KISS1: variants seen among roughly 807,000 people sequenced by gnomAD.
KISS1 encodes metastasis-suppressor KiSS-1.
For missense variants in KISS1, 182 were observed against 182.7 expected (o/e 1.00, Z 0.02); for synonymous variants, 97 against 88.7 (o/e 1.09, Z -0.52).
intron 1 of KISS1, among the ~76,000 whole-genome samples, chr1:204,195,659 C>T (rs1276056152): frequency 1.3e-5 from 2 of 151,088 alleles, no homozygotes; most frequent in Non-Finnish European, 3.0e-5. Context: ...ACCACATACA[C>T]CACACATGCG....
At chr1:204,193,531 T>C (rs778434818) in intron 1 of KISS1, among the ~76,000 whole-genome samples, 5 of 152,162 alleles carry the variant, frequency 3.3e-5, no homozygotes, top group Non-Finnish European at 7.3e-5. Flanking sequence ...TTTTCTTTTA[T>C]AAGGAAAAAG....
chr1:204,190,574 C>G lies in KISS1; in HGVS notation c.327G>C (p.Leu109=). The G allele has an allele frequency of 6.2e-7, 1 of 1,604,936 alleles. No individual in the cohort carries two copies. The highest frequency in any genetic ancestry group is 2.2e-5 in the East Asian group (1 of 44,452). ...GAVLVQREKD[L]PNYNWNSFGL... ...CGAAGGAGTTCCAGTTGTAGTTCGG[C>G]AGGTCCTTCTCCCGCTGCACCAGCA... Residue 109 remains leucine (L), a synonymous_variant, in exon 3 of 3, where the codon CTG becomes CTC. Transcript: ENST00000367194.
chr1:204,193,049 G>T, intron 1 of KISS1, 135 bp from the exon 2 acceptor site: 1 of 673,258 alleles, frequency 1.5e-6, no homozygotes, highest in Non-Finnish European at 2.7e-6. Flanking sequence ...CCTGGTAGAG[G>T]GATGAGTCTA....
rs969189704 is a variant in KISS1 at position 204,192,888 on chromosome 1, G to A, written c.-12C>T. 4.5e-6 allele frequency: 7 copies of A among 1,556,780 alleles called. No individual in the cohort carries two copies. Among genetic ancestry groups the A allele is most frequent in the Non-Finnish European group, 6.1e-6 (7 of 1,141,044 alleles). On this transcript the variant is annotated 5_prime_UTR_variant, in exon 2 of 3. Coordinates refer to ENST00000367194, the MANE Select transcript of KISS1 (RefSeq NM_002256.4). The surrounding 1 kb of genome is among the most constrained non-coding windows in gnomAD (Gnocchi z 4.2). Reference sequence around the variant, plus strand: ...ACCAGTGAGTTCATCTTGGTGAGAAGAGGCAGGTCCTAGAAGTGCCTTGAG... The same window carrying A: ...ACCAGTGAGTTCATCTTGGTGAGAAAAGGCAGGTCCTAGAAGTGCCTTGAG...
chr1:204,194,426 A>T (rs1328363686), intron 1 of KISS1, among the ~76,000 whole-genome samples: 1 of 152,200 alleles, frequency 6.6e-6, no homozygotes, highest in Non-Finnish European at 1.5e-5. Context: ...TGGAGAGAAT[A>T]GTGTAAAAGC....
chr1:204,190,738 C>T lies in KISS1; in HGVS notation c.163G>A (p.Glu55Lys). Residue 55 changes from glutamate (E) to lysine (K), a missense_variant, in exon 3 of 3, where the codon GAG (glutamate) becomes AAG (lysine). Physicochemically the swap from Glu to Lys is moderately conservative, Grantham distance 56 (BLOSUM62 1). Transcript: ENST00000367194. Reference sequence around the variant, plus strand: ...CTGGCAGTAGCAGCTGGCTTCCTCTCGGTGCACGGCAGGCTCTGCTCCCCG... The same window carrying T: ...CTGGCAGTAGCAGCTGGCTTCCTCTTGGTGCACGGCAGGCTCTGCTCCCCG... ...APGEQSLPCT[E>K]RKPAATARLS... The T allele has an allele frequency of 6.2e-7, 1 of 1,610,576 alleles. No homozygotes were observed. Among genetic ancestry groups the T allele is most frequent in the Non-Finnish European group, 8.5e-7 (1 of 1,179,324 alleles).
chr1:204,190,460 G>A lies in KISS1; in HGVS notation c.*24C>T. 1 of 1,515,594 alleles carries A rather than the reference G, an allele frequency of 6.6e-7. No homozygotes were observed. Among genetic ancestry groups the A allele is most frequent in the Non-Finnish European group, 8.9e-7 (1 of 1,126,112 alleles). The allele number at this position is 1,515,594 out of a possible 1,614,324, so 93.9% of individuals were successfully genotyped here. A position where few individuals can be genotyped will look rare whatever the true frequency, so the allele number is the denominator to read the frequency against. On this transcript the variant is annotated 3_prime_UTR_variant, in exon 3 of 3. Transcript: ENST00000367194. ...TGCTCTGACTCCTTTGGGGTCTGAA[G>A]TTCACTGCCCCGCACCTGCGCCCTC...
chr1:204,195,310 ACATAC>A (rs1658830761), intron 1 of KISS1, among the ~76,000 whole-genome samples: 1 of 67,624 alleles, frequency 1.5e-5, no homozygotes, highest in Non-Finnish European at 3.1e-5. Flanking sequence ...CCATACACAC[ACATAC>A]ACATATGCCA....
Position 204,192,657 on chromosome 1 carries a change from A to C in KISS1, c.103+117T>G. 1 of 730,556 alleles carries C rather than the reference A, an allele frequency of 1.4e-6. No homozygotes were observed. Among genetic ancestry groups the C allele is most frequent in the South Asian group, 1.5e-5 (1 of 66,966 alleles). 45.3% of individuals were successfully genotyped at this position (730,556 alleles called of 1,614,324 possible). The stretch of plus-strand genomic sequence containing the variant: ...TGAGTTGCATGTGTGCCAGTCTTAG[A>C]TTTCCACCAAATGCAATGTTAAACT... On this transcript the variant is annotated intron_variant, in intron 2 of 2. Coordinates refer to ENST00000367194, the MANE Select transcript of KISS1 (RefSeq NM_002256.4). The surrounding 1 kb of genome is among the most constrained non-coding windows in gnomAD (Gnocchi z 4.2).
chr1:204,195,221 C>A (rs2102330663), intron 1 of KISS1, among the ~76,000 whole-genome samples: 1 of 136,398 alleles, frequency 7.3e-6, no homozygotes, highest in Non-Finnish European at 1.6e-5. Flanking sequence ...ACGCACACAC[C>A]CATACACATA....
At chr1:204,195,197 C>CATATACACACATACACCCATG (rs1558254530) in intron 1 of KISS1, among the ~76,000 whole-genome samples, 57 of 18,382 alleles carry the variant, frequency 3.1e-3, no homozygotes, top group Middle Eastern at 0.05. Flanking sequence ...CACACACACA[C>CATATACACACATACACCCATG]CACACACATA....
In KISS1 at chr1:204,190,409, T is replaced by TCCCCCCCCCC. The variant is rs1553307861; in HGVS notation, c.*74_*75insGGGGGGGGGG. The TCCCCCCCCCC allele has an allele frequency of 1.4e-3, 778 of 572,806 alleles. 33 individuals carry two copies. The highest frequency in any genetic ancestry group is 2.8e-3 in the Admixed American group (115 of 40,780). 35.5% of individuals were successfully genotyped at this position (572,806 alleles called of 1,614,324 possible). On this transcript the variant is annotated 3_prime_UTR_variant, in exon 3 of 3. Transcript: ENST00000367194. ...CAGCGCCCCCTCCCTTAGCCCTACG[T>TCCCCCCCCCC]CCCCGCCCCCCGCCCCCGCCCCGCA...
chr1:204,191,364 C>G (rs1341314760), intron 2 of KISS1, among the ~76,000 whole-genome samples: 5 of 151,566 alleles, frequency 3.3e-5, no homozygotes, highest in Non-Finnish European at 7.4e-5. Context: ...CCCCCCAACC[C>G]CGCCCAATAA....
intron 1 of KISS1, among the ~76,000 whole-genome samples, chr1:204,195,282 C>G (rs1413235584): frequency 1.8e-5 from 2 of 108,188 alleles, no homozygotes; most frequent in Non-Finnish European, 4.0e-5. Context: ...ATACACCACA[C>G]ACACCACACA....
chr1:204,191,903 TG>T (rs1658749898), intron 2 of KISS1, among the ~76,000 whole-genome samples: 1 of 152,188 alleles, frequency 6.6e-6, no homozygotes, highest in Admixed American at 6.5e-5. Flanking sequence ...CCTATATCCC[TG>T]GGCAGTGTGG....
chr1:204,193,043 G>T, intron 1 of KISS1, 129 bp from the exon 2 acceptor site: 3 of 678,066 alleles, frequency 4.4e-6, no homozygotes, highest in Non-Finnish European at 5.4e-6. Flanking sequence ...GAGGCTCCTG[G>T]TAGAGGGATG....
Position 204,190,534 on chromosome 1 carries a change from T to C in KISS1, c.367A>G (p.Lys123Glu), listed in dbSNP as rs1455684230. The C allele has an allele frequency of 5.6e-6, 9 of 1,609,056 alleles. No homozygotes were observed. In the East Asian group the frequency reaches 2.0e-4, roughly 36 times the overall value. ...NWNSFGLRFG[K>E]REAAPGNHGR... Reference sequence around the variant, plus strand: ...TGGTTCCCTGGTGCCGCCTCCCGCTTGCCGAAGCGCAGGCCGAAGGAGTTC... The same window carrying C: ...TGGTTCCCTGGTGCCGCCTCCCGCTCGCCGAAGCGCAGGCCGAAGGAGTTC... Residue 123 changes from lysine (K) to glutamate (E), a missense_variant, in exon 3 of 3, where the codon AAG (lysine) becomes GAG (glutamate). Transcript: ENST00000367194.
In KISS1 at chr1:204,192,871, G is replaced by T; in HGVS notation, c.6C>A (p.Asn2Lys). The change falls in exon 2 of 3, where the codon AAC (asparagine) becomes AAA (lysine). Residue 2 changes from asparagine to lysine, a missense_variant. Physicochemically the swap from Asn to Lys is moderately conservative, Grantham distance 94. Transcript: ENST00000367194. This position sits in a 1 kb window ranked among gnomAD's most constrained non-coding sequence, Gnocchi z 4.2. M[N>K]SLVSWQLLLF... ...GCAGTAGCTGCCAAGAAACCAGTGA[G>T]TTCATCTTGGTGAGAAGAGGCAGGT... 6.3e-7 allele frequency: 1 copy of T among 1,583,962 alleles called. No individual in the cohort carries two copies. The highest frequency in any genetic ancestry group is 1.1e-5 in the South Asian group (1 of 87,252).
Position 204,192,804 on chromosome 1 carries a change from C to T in KISS1, c.73G>A (p.Val25Met), listed in dbSNP as rs963935959. ...GGTCTAGAATTCCCCACAGAGGCCA[C>T]CTTTTCTAATGGCTCCCCAAAGTGG... ...ATHFGEPLEK[V>M]ASVGNSRPTG... The change falls in exon 2 of 3, where the codon GTG becomes ATG. Residue 25 changes from valine (V) to methionine (M), a missense_variant. By Grantham distance (21) the Val-to-Met change is conservative. Coordinates refer to ENST00000367194, the MANE Select transcript of KISS1 (RefSeq NM_002256.4). The surrounding 1 kb of genome is among the most constrained non-coding windows in gnomAD (Gnocchi z 4.2). The T allele has an allele frequency of 2.5e-6, 4 of 1,599,652 alleles. No homozygotes were observed. The Admixed American group carries it at 5.1e-5, about 20-fold the overall frequency.
Sources: gnomAD v4.1 joint callset for allele counts (sites outside exome capture counted in the v4.1 genomes callset) on GRCh38, gnomAD v4.1.1 for gene constraint, Gnocchi (gnomAD v3.1) non-coding constraint, MANE v1.5 for transcripts, NCBI Gene and HGNC (gene_info 2026-07-23, HGNC 2026-07-21) for gene names.